Variants in NPIPB2 observed in about 807,000 individuals in gnomAD.
The protein encoded by NPIPB2 is nuclear pore complex-interacting protein family member B2.
NPIPB2 carries 27 observed loss-of-function variants against 30.8 expected under a neutral mutation model. That is an observed-to-expected ratio of 0.88 (90% CI 0.65 to 1.21). The LOEUF (loss-of-function observed/expected upper bound fraction) is 1.21, where lower values mean the gene tolerates loss of function less well. NPIPB2 is among the 50% of genes most tolerant of loss of function. The pLI, the probability that NPIPB2 is intolerant of heterozygous loss-of-function variation, is 0.00. For missense variants in NPIPB2, 440 were observed against 446.2 expected (o/e 0.99, Z 0.13); for synonymous variants, 147 against 162.0 (o/e 0.91, Z 0.70).
chr16:11,967,881 A>G lies in NPIPB2; in HGVS notation c.-584+8687T>C, dbSNP rs1047874016. ...TTCGACTCGAGCAGTGCCACTTTAA[A>G]AATCTTTTGTCAGAATAGATGATGT... On this transcript the variant is annotated intron_variant, in intron 1 of 5. Transcript: ENST00000538896. The G allele has an allele frequency of 1.9e-6, 3 of 1,599,966 alleles. No individual in the cohort carries two copies. The African/African-American group carries it at 4.0e-5, about 21-fold the overall frequency.
intron 1 of NPIPB2, among the ~76,000 whole-genome samples, chr16:11,957,117 A>G (rs2055118466): frequency 6.7e-6 from 1 of 149,796 alleles, no homozygotes; most frequent in Non-Finnish European, 1.5e-5. Flanking sequence ...CTCAGCCTCC[A>G]AGTGGCTGGG....
chr16:11,951,284 G>A (rs1253238957), intron 1 of NPIPB2, among the ~76,000 whole-genome samples: 4 of 150,646 alleles, frequency 2.7e-5, no homozygotes, highest in African/African-American at 4.9e-5. Context: ...GTGAAACCCC[G>A]TCTCTACTAA....
chr16:11,941,106 T>C, intron 1 of NPIPB2: 1 of 1,406,540 alleles, frequency 7.1e-7, no homozygotes, highest in Non-Finnish European at 9.4e-7. Context: ...GCTGTGTAAT[T>C]TCATGCCGCG....
At chr16:11,968,929 T>G (rs1337382795) in intron 1 of NPIPB2, among the ~76,000 whole-genome samples, 1 of 151,672 alleles carries the variant, frequency 6.6e-6, no homozygotes, top group African/African-American at 2.4e-5. Flanking sequence ...TGCAGTGGCA[T>G]GATCACAGCT....
At chr16:11,944,733 C>CAAAAAA (rs56283093), upstream of NPIPB2, among the ~76,000 whole-genome samples, 2 of 46,126 alleles carry the variant, frequency 4.3e-5, no homozygotes, top group African/African-American at 2.4e-4. Flanking sequence ...GACTCCGTGT[C>CAAAAAA]AAAAAAAAAA....
intron 1 of NPIPB2, among the ~76,000 whole-genome samples, chr16:11,964,727 C>G (rs1274944661): frequency 6.6e-6 from 1 of 152,122 alleles, no homozygotes; most frequent in African/African-American, 2.4e-5. Flanking sequence ...CACCAGACTA[C>G]TTTTTAAAAT....
chr16:11,971,838 T>C (rs964182280), intron 1 of NPIPB2, among the ~76,000 whole-genome samples: 2 of 151,976 alleles, frequency 1.3e-5, no homozygotes, highest in African/African-American at 4.8e-5. Flanking sequence ...TTGAAAGAGT[T>C]AAGTTATGGT....
At chr16:11,944,191 A>G (rs1193586157), upstream of NPIPB2, among the ~76,000 whole-genome samples, 1 of 141,650 alleles carries the variant, frequency 7.1e-6, no homozygotes, top group Non-Finnish European at 1.5e-5. Context: ...TTTTTTGGAG[A>G]TGGAGTCTTG....
intron 1 of NPIPB2, among the ~76,000 whole-genome samples, chr16:11,955,261 T>C (rs1284651416): frequency 7.0e-6 from 1 of 142,190 alleles, no homozygotes; most frequent in Non-Finnish European, 1.5e-5. Flanking sequence ...GGGTGAGGCA[T>C]GAGAATCACT....
chr16:11,974,525 A>G (rs781338770), intron 1 of NPIPB2, among the ~76,000 whole-genome samples: 13 of 152,090 alleles, frequency 8.5e-5, no homozygotes, highest in Non-Finnish European at 1.8e-4. Flanking sequence ...TCAAAATAAA[A>G]AAAACAAAAA....
intron 1 of NPIPB2, among the ~76,000 whole-genome samples, chr16:11,962,491 A>T (rs2055160769): frequency 6.6e-6 from 1 of 151,804 alleles, no homozygotes; most frequent in Non-Finnish European, 1.5e-5. Context: ...GGGTGCCTGT[A>T]GTCCCAGCTA....
chr16:11,935,589 C>G (rs916367911), intron 2 of NPIPB2, among the ~76,000 whole-genome samples: 26 of 152,260 alleles, frequency 1.7e-4, no homozygotes, highest in African/African-American at 5.3e-4. Flanking sequence ...GCTGGGATTA[C>G]AGGCATGAGC....
At chr16:11,949,584 G>A (rs2055044928) in intron 1 of NPIPB2, among the ~76,000 whole-genome samples, 1 of 152,184 alleles carries the variant, frequency 6.6e-6, no homozygotes, top group African/African-American at 2.4e-5. Flanking sequence ...AAAATATACA[G>A]CAGCCCTGAG....
intron 1 of NPIPB2, among the ~76,000 whole-genome samples, chr16:11,940,761 A>AG (rs2054927908): frequency 9.1e-6 from 1 of 110,030 alleles, no homozygotes. Flanking sequence ...CTCTGTCTAA[A>AG]AAAAAAAAAA....
chr16:11,971,491 TTTTC>T (rs754572443), intron 1 of NPIPB2, among the ~76,000 whole-genome samples: 45 of 150,178 alleles, frequency 3.0e-4, no homozygotes, highest in Non-Finnish European at 5.3e-4. Flanking sequence ...GATTCAGAGA[TTTTC>T]TTTCTTTTTT....
chr16:11,947,882 G>A (rs1459667033), intron 1 of NPIPB2, among the ~76,000 whole-genome samples: 1 of 150,980 alleles, frequency 6.6e-6, no homozygotes, highest in Admixed American at 6.7e-5. Context: ...ATCAGTGCCC[G>A]TGAAGCATGT....
intron 2 of NPIPB2, among the ~76,000 whole-genome samples, chr16:11,937,004 T>G (rs1031574911): frequency 6.6e-6 from 1 of 151,964 alleles, no homozygotes; most frequent in Non-Finnish European, 1.5e-5. Flanking sequence ...CTAAATGGCC[T>G]ACATCTCCAT....
At chr16:11,938,976 G>A (rs1473902807) in intron 1 of NPIPB2, among the ~76,000 whole-genome samples, 1 of 151,846 alleles carries the variant, frequency 6.6e-6, no homozygotes, top group African/African-American at 2.4e-5. Flanking sequence ...TCCAACTCCT[G>A]ACCTCGTGAT....
intron 2 of NPIPB2, among the ~76,000 whole-genome samples, chr16:11,935,234 T>G (rs1443538010): frequency 1.3e-5 from 2 of 151,826 alleles, no homozygotes; most frequent in Non-Finnish European, 2.9e-5. Flanking sequence ...TATTAAATAT[T>G]TGTTCTCATC....
Sources: allele counts gnomAD v4.1 joint callset (sites outside exome capture counted in the v4.1 genomes callset), GRCh38; gene constraint gnomAD v4.1.1; transcripts MANE v1.5; gene names NCBI Gene and HGNC (gene_info 2026-07-23, HGNC 2026-07-21).